NCOR2: variants seen among roughly 807,000 people sequenced by gnomAD.
The protein encoded by NCOR2 is nuclear receptor corepressor 2.
In NCOR2, 81 loss-of-function variants were observed where a neutral mutation model predicts 262.9. The observed-to-expected ratio is 0.31, with a 90% CI of 0.26 to 0.37. The LOEUF (loss-of-function observed/expected upper bound fraction) is 0.37. Ranked by LOEUF, NCOR2 falls within the 10% of genes least tolerant of loss-of-function variation. The pLI, the probability that NCOR2 is intolerant of heterozygous loss-of-function variation, is 1.00. For synonymous variants in NCOR2, 1,659 were observed against 1,559.3 expected (o/e 1.06, Z -1.51); for missense variants, 3,385 against 3,621.4 (o/e 0.93, Z 1.68).
rs753205022 is a variant in NCOR2 at position 124,335,643 on chromosome 12, C to T, written c.6116-11G>A. 5.0e-6 allele frequency: 8 copies of T among 1,589,976 alleles called. 1 individual carries two copies. Among genetic ancestry groups the T allele is most frequent in the South Asian group, 2.2e-5 (2 of 90,238 alleles). On this transcript the variant is annotated splice_polypyrimidine_tract_variant and intron_variant, in intron 38 of 46. Coordinates refer to ENST00000405201, the Ensembl canonical transcript of NCOR2. ...TGCTGCCGTGGTAACCTAGGGCAGG[C>T]GGGGGGTGCAGAGTCAGGCACCGGG...
chr12:124,334,687 G>T, intron 40 of NCOR2, 70 bp from the exon 43 acceptor site: 1 of 800,772 alleles, frequency 1.2e-6, no homozygotes, highest in Non-Finnish European at 1.8e-6. Flanking sequence ...GGTGGGGAGG[G>T]GCTAGACGGA....
At chr12:124,499,640 C>T (rs1374380239), upstream of NCOR2, among the ~76,000 whole-genome samples, 34 of 152,210 alleles carry the variant, frequency 2.2e-4, no homozygotes, top group Non-Finnish European at 1.5e-5. Context: ...TGAGCGAGGG[C>T]CTGGGGGTGA....
chr12:124,445,049 C>A (rs1412211972), intron 7 of NCOR2, among the ~76,000 whole-genome samples: 1 of 152,140 alleles, frequency 6.6e-6, no homozygotes, highest in Non-Finnish European at 1.5e-5. Context: ...TCAGCCGACC[C>A]CCAAATGAGG....
In NCOR2 at chr12:124,369,480, G is replaced by A. The variant is rs546359895; in HGVS notation, c.2807+2542C>T. Among the ~76,000 whole-genome samples, 511 of 152,048 alleles carry A rather than the reference G, an allele frequency of 3.4e-3. 5 individuals are homozygous for A. The highest frequency in any genetic ancestry group is 0.011 in the African/African-American group (473 of 41,498). On this transcript the variant is annotated intron_variant, in intron 20 of 46. Coordinates refer to ENST00000405201, the Ensembl canonical transcript of NCOR2. Reference sequence around the variant, plus strand: ...CAGGGGTCGCCTGGGGGGCCCGCCCGTCCCACCAGCCCTTCCCGGGAGGCC... The same window carrying A: ...CAGGGGTCGCCTGGGGGGCCCGCCCATCCCACCAGCCCTTCCCGGGAGGCC...
chr12:124,423,912 C>CGTG (rs2043374995), intron 11 of NCOR2, among the ~76,000 whole-genome samples: 1 of 152,234 alleles, frequency 6.6e-6, no homozygotes, highest in Admixed American at 6.5e-5. Flanking sequence ...ATGGCCAGCA[C>CGTG]GTGGTGGAGC....
At chr12:124,334,939 G>A in intron 40 of NCOR2, 196 bp downstream of exon 42, 1 of 753,074 alleles carries the variant, frequency 1.3e-6, no homozygotes, top group Non-Finnish European at 2.1e-6. Flanking sequence ...CCATGGATTA[G>A]GGGGCGGTGA....
At chr12:124,541,447 T>G (rs1033645534) in intron 1 of NCOR2, among the ~76,000 whole-genome samples, 1 of 2,368 alleles carries the variant, frequency 4.2e-4, no homozygotes, top group Non-Finnish European at 6.7e-4. Context: ...TAGAGGGGGA[T>G]GGGGAGTGGA....
chr12:124,340,865 C>A (rs1253042861), intron 34 of NCOR2, 114 bp from the exon 37 acceptor site: 7 of 1,078,116 alleles, frequency 6.5e-6, no homozygotes, highest in African/African-American at 1.6e-5. Flanking sequence ...GCCAGCAGAG[C>A]TGGTGGCAGG....
rs944389631 is a variant in NCOR2 at position 124,363,546 on chromosome 12, GA to G, written c.2928+132del. 1.6e-5 allele frequency: 15 copies of G among 920,432 alleles called. No individual in the cohort carries two copies. The African/African-American group carries it at 2.0e-4, about 13-fold the overall frequency. 57.0% of individuals were successfully genotyped at this position (920,432 alleles called of 1,614,324 possible). Reference sequence around the variant, plus strand: ...GCTGTTCCCACCTCAGCTCCACGGGGATTTCTCCAGGAAACAGAAGCGGATG... The same window carrying G: ...GCTGTTCCCACCTCAGCTCCACGGGGTTTCTCCAGGAAACAGAAGCGGATG... On this transcript the variant is annotated intron_variant, in intron 21 of 46. Transcript: ENST00000405201.
intron 37 of NCOR2, among the ~76,000 whole-genome samples, chr12:124,339,425 A>C (rs2036219749): frequency 7.4e-6 from 1 of 135,876 alleles, no homozygotes; most frequent in African/African-American, 2.9e-5. Flanking sequence ...CCACACAGCT[A>C]ACTTGGCCAT....
At chr12:124,334,009 T>C (rs1053566134) in intron 41 of NCOR2, among the ~76,000 whole-genome samples, 6 of 151,992 alleles carry the variant, frequency 3.9e-5, no homozygotes, top group Non-Finnish European at 7.4e-5. Context: ...TGTGCGCATG[T>C]GTGTGGGTGT....
chr12:124,419,892 C>A, intron 13 of NCOR2, 65 bp downstream of exon 15: 1 of 1,451,206 alleles, frequency 6.9e-7, no homozygotes, highest in South Asian at 1.1e-5. Flanking sequence ...TGCTGGCCAC[C>A]AAGCAAGTGG....
chr12:124,514,790 C>G (rs2049615923), intron 1 of NCOR2: 1 of 148,090 alleles, frequency 6.8e-6, no homozygotes, highest in Non-Finnish European at 1.5e-5. Flanking sequence ...GCTCTGCACT[C>G]CAGCCTGGGG....
At chr12:124,333,984 G>A (rs2035616821) in intron 41 of NCOR2, among the ~76,000 whole-genome samples, 1 of 150,366 alleles carries the variant, frequency 6.7e-6, no homozygotes, top group South Asian at 2.1e-4. Flanking sequence ...ATGTGTGCGG[G>A]TGTGCATGTG....
exon 24 of NCOR2, chr12:124,355,442 G>A (rs2037876318): frequency 3.7e-6 from 6 of 1,613,536 alleles, no homozygotes; most frequent in South Asian, 1.1e-5. Flanking sequence ...TTGGGAGATG[G>A]CACCTATTTG....
rs188815658 is a variant in NCOR2 at position 124,559,081 on chromosome 12, C to T, written c.-165+8227G>A. Among the ~76,000 whole-genome samples, 6 of 152,318 alleles carry T rather than the reference C, an allele frequency of 3.9e-5. No individual in the cohort carries two copies. In the East Asian group the frequency reaches 9.7e-4, roughly 25 times the overall value. On this transcript the variant is annotated intron_variant, in intron 1 of 32. Transcript: ENST00000458234. ...GAGCCACCCGGCCTGCAGGCACATACGCACAGACACATGCAGGCCAGTGGT... is the reference window on the plus strand; with the variant it reads ...GAGCCACCCGGCCTGCAGGCACATATGCACAGACACATGCAGGCCAGTGGT...
chr12:124,495,650 C>A, upstream of NCOR2, among the ~76,000 whole-genome samples: 1 of 152,180 alleles, frequency 6.6e-6, no homozygotes, highest in East Asian at 1.9e-4. The surrounding 1 kb of genome is among the most constrained non-coding windows in gnomAD (Gnocchi z 4.4). Flanking sequence ...CTCTGCGCTG[C>A]CCTCACCACC....
Position 124,334,808 on chromosome 12 carries a change from G to A in NCOR2, c.6412-191C>T, listed in dbSNP as rs75823621. The A allele has an allele frequency of 7.2e-4, 431 of 595,228 alleles. 2 individuals carry two copies. The East Asian group carries it at 0.012, about 16-fold the overall frequency. The allele number at this position is 595,228 out of a possible 1,614,324, so 36.9% of individuals were successfully genotyped here. A position where few individuals can be genotyped will look rare whatever the true frequency, so the allele number is the denominator to read the frequency against. ...GCATGGGAGTGGGGCTGTGGTCAGCGGTCCCAAGCTGGTAGTTGGCAGATG... is the reference window on the plus strand; with the variant it reads ...GCATGGGAGTGGGGCTGTGGTCAGCAGTCCCAAGCTGGTAGTTGGCAGATG... On this transcript the variant is annotated intron_variant, in intron 40 of 46. Coordinates refer to ENST00000405201, the Ensembl canonical transcript of NCOR2.
At chr12:124,343,568 A>G (rs2036640772) in intron 32 of NCOR2, among the ~76,000 whole-genome samples, 2 of 152,212 alleles carry the variant, frequency 1.3e-5, no homozygotes, top group Admixed American at 1.3e-4. Context: ...GACAGGTGAT[A>G]AACTAGCAAA....
Sources: gnomAD v4.1 joint callset for allele counts (sites outside exome capture counted in the v4.1 genomes callset) on GRCh38, gnomAD v4.1.1 for gene constraint, Gnocchi (gnomAD v3.1) non-coding constraint, MANE v1.5 for transcripts, NCBI Gene and HGNC (gene_info 2026-07-23, HGNC 2026-07-21) for gene names.